DCAF17: variants seen among roughly 807,000 people sequenced by gnomAD.
DCAF17 encodes DDB1 and CUL4 associated factor 17, also known as DDB1- and CUL4-associated factor 17.
In DCAF17, 48 loss-of-function variants were observed where a neutral mutation model predicts 66.0. The observed-to-expected ratio is 0.73, with a 90% CI of 0.58 to 0.92. The LOEUF (loss-of-function observed/expected upper bound fraction) is 0.92. DCAF17 is among the 40% of genes least tolerant of loss of function. DCAF17 has a pLI of 0.00. For missense variants in DCAF17, 562 were observed against 622.8 expected, an observed-to-expected ratio of 0.90 and a Z score of 1.04; for synonymous variants, 206 against 214.6, an observed-to-expected ratio of 0.96 and a Z score of 0.35.
At chr2:171,457,908 G>T in intron 6 of DCAF17, 63 bp from the exon 7 acceptor site, 3 of 1,268,788 alleles carry the variant, frequency 2.4e-6, no homozygotes, top group South Asian at 2.4e-5. Flanking sequence ...AAACCACTGT[G>T]AACATTCAGA....
At chr2:171,472,977 G>A (rs923527751) in intron 9 of DCAF17, 16 of 230,882 alleles carry the variant, frequency 6.9e-5, no homozygotes, top group Non-Finnish European at 3.8e-5. Flanking sequence ...GTGTACACAT[G>A]TGATAACATA....
rs756931601 is a variant in DCAF17, at chr2:171,448,761, A to G, written c.402A>G (p.Ser134=). 1 of 1,613,436 alleles carries G rather than the reference A, an allele frequency of 6.2e-7. No homozygotes were observed. Among genetic ancestry groups the G allele is most frequent in the Non-Finnish European group, 8.5e-7 (1 of 1,179,620 alleles). Residue 134 remains serine (S), a synonymous_variant, in exon 4 of 14, where the codon TCA becomes TCG. Transcript: ENST00000375255. ...LTAHNWLLRI[S]ATTGKILEKI... ...CTCATAATTGGCTACTTCGTATATCAGCAACTACGGGAAAAATCCTTGAGA... is the reference window on the plus strand; with the variant it reads ...CTCATAATTGGCTACTTCGTATATCGGCAACTACGGGAAAAATCCTTGAGA...
intron 9 of DCAF17, among the ~76,000 whole-genome samples, chr2:171,469,993 TGTGGACATGTCA>T (rs1696149177): frequency 6.6e-6 from 1 of 152,120 alleles, no homozygotes; most frequent in Non-Finnish European, 1.5e-5. Context: ...TCTCATTTCA[TGTGGACATGTCA>T]GTGCAACACT....
Position 171,484,473 on chromosome 2 carries a change from C to A in DCAF17, c.*3359C>A, listed in dbSNP as rs1320037024. On this transcript the variant is annotated 3_prime_UTR_variant, in exon 14 of 14. Transcript: ENST00000375255. The stretch of plus-strand genomic sequence containing the variant: ...TCTACTTGTTTTATTATTTTCCTAT[C>A]CAGCGTACTTTTTGATGGATTTCAA... The A allele has an allele frequency of 2.3e-6, 1 of 442,512 alleles. No individual in the cohort carries two copies. Among genetic ancestry groups the A allele is most frequent in the South Asian group, 1.6e-5 (1 of 60,692 alleles). 27.4% of individuals were successfully genotyped at this position (442,512 alleles called of 1,614,324 possible). A position where few individuals can be genotyped will look rare whatever the true frequency, so the allele number is the denominator to read the frequency against.
At position 171,462,832 on chromosome 2, in the gene DCAF17, C is replaced by T. The variant is rs375679028; in HGVS notation, c.838+4355C>T. On this transcript the variant is annotated intron_variant, in intron 8 of 13. Coordinates refer to ENST00000375255, the MANE Select transcript of DCAF17 (RefSeq NM_025000.4). ...AGTGACATTAGTATTATTATATCAT[C>T]GTATACAAAAGATTGGAAACAATCT... Among the ~76,000 whole-genome samples, 36 of 152,180 alleles carry T rather than the reference C, an allele frequency of 2.4e-4. No homozygotes were observed. In the East Asian group the frequency reaches 3.5e-3, roughly 15 times the overall value.
At chr2:171,466,051 G>T (rs578139248) in intron 8 of DCAF17, among the ~76,000 whole-genome samples, 7 of 151,884 alleles carry the variant, frequency 4.6e-5, no homozygotes, top group Non-Finnish European at 7.4e-5. Context: ...TTTAGTAGAG[G>T]TGAGGTTTTG....
intron 6 of DCAF17, among the ~76,000 whole-genome samples, chr2:171,454,163 CTG>C (rs1180612560): frequency 2.6e-5 from 4 of 151,862 alleles, no homozygotes; most frequent in Non-Finnish European, 5.9e-5. Flanking sequence ...GAGTTAGACT[CTG>C]TCTCTAAAAA....
At chr2:171,470,644 C>T (rs1696192185) in intron 9 of DCAF17, among the ~76,000 whole-genome samples, 1 of 152,190 alleles carries the variant, frequency 6.6e-6, no homozygotes, top group African/African-American at 2.4e-5. Context: ...TTTGATTGGT[C>T]ACCTCCCAGT....
chr2:171,477,453 A>AT (rs11449615), intron 11 of DCAF17, among the ~76,000 whole-genome samples: 47,543 of 150,760 alleles, frequency 0.32, 7,710 homozygotes, highest in Admixed American at 0.37. Flanking sequence ...CTTTTAAATA[A>AT]TTTTTTTTTT....
At chr2:171,466,139 C>T (rs750279227) in intron 8 of DCAF17, among the ~76,000 whole-genome samples, 2 of 152,168 alleles carry the variant, frequency 1.3e-5, no homozygotes, top group Non-Finnish European at 2.9e-5. Flanking sequence ...GTTGGGATTA[C>T]AGGCGTGAGC....
chr2:171,440,794 T>G (rs994278382), intron 2 of DCAF17, among the ~76,000 whole-genome samples: 1 of 152,204 alleles, frequency 6.6e-6, no homozygotes, highest in Non-Finnish European at 1.5e-5. Context: ...AAAGCTGTAA[T>G]TGTCAGTATC....
chr2:171,474,519 T>G (rs1696406725), intron 10 of DCAF17: 2 of 164,762 alleles, frequency 1.2e-5, no homozygotes, highest in Admixed American at 1.2e-4. Flanking sequence ...CTTTAATTGT[T>G]GAATGTCCAT....
chr2:171,451,053 AAAAGTT>A (rs1694924380), intron 5 of DCAF17, among the ~76,000 whole-genome samples: 1 of 152,012 alleles, frequency 6.6e-6, no homozygotes, highest in South Asian at 2.1e-4. Context: ...AAAAAAAAAA[AAAAGTT>A]AAGTAGTTCC....
chr2:171,481,776 C>A lies in DCAF17; in HGVS notation c.*662C>A, dbSNP rs1211873630. The A allele has an allele frequency of 2.2e-6, 1 of 453,298 alleles. No homozygotes were observed. Among genetic ancestry groups the A allele is most frequent in the Admixed American group, 2.4e-5 (1 of 42,434 alleles). The allele number at this position is 453,298 out of a possible 1,614,324, so 28.1% of individuals were successfully genotyped here. ...TTGAATATTTGTGTTTCTATATAGGCTAATGTAAAAGATTCCAAGCAAACC... is the reference window on the plus strand; with the variant it reads ...TTGAATATTTGTGTTTCTATATAGGATAATGTAAAAGATTCCAAGCAAACC... On this transcript the variant is annotated 3_prime_UTR_variant, in exon 14 of 14. Transcript: ENST00000375255.
intron 2 of DCAF17, among the ~76,000 whole-genome samples, chr2:171,439,390 G>T (rs1373997922): frequency 6.6e-6 from 1 of 151,300 alleles, no homozygotes; most frequent in Admixed American, 6.6e-5. Context: ...GGAAGTTTCT[G>T]TTGACCTATC....
intron 8 of DCAF17, among the ~76,000 whole-genome samples, chr2:171,466,994 A>G (rs1377618191): frequency 6.6e-6 from 1 of 152,094 alleles, no homozygotes; most frequent in Admixed American, 6.5e-5. Context: ...ATTGCTTAAA[A>G]GACCTTTATA....
Position 171,473,935 on chromosome 2 carries a change from G to A in DCAF17, c.1051G>A (p.Ala351Thr), listed in dbSNP as rs760504028. ...ESDWIYFHPD[A>T]SGRIIHVGPN... ...TGACTGGATCTATTTCCATCCTGAT[G>A]CTTCTGGTAGAATAATACATGTTGG... The change falls in exon 10 of 14, where the codon GCT becomes ACT. Residue 351 changes from alanine to threonine, a missense_variant. This residue lies in a region of DCAF17 where 201 missense variants were observed against 231.1 expected (regional missense o/e 0.87). Coordinates refer to ENST00000375255, the MANE Select transcript of DCAF17 (RefSeq NM_025000.4). The A allele has an allele frequency of 6.2e-7, 1 of 1,613,732 alleles. No homozygotes were observed. Among genetic ancestry groups the A allele is most frequent in the Non-Finnish European group, 8.5e-7 (1 of 1,179,818 alleles).
chr2:171,443,519 C>T lies in DCAF17; in HGVS notation c.231-4C>T, dbSNP rs1402728262. The T allele has an allele frequency of 1.9e-6, 3 of 1,608,498 alleles. No individual in the cohort carries two copies. The highest frequency in any genetic ancestry group is 1.1e-5 in the South Asian group (1 of 90,800). On this transcript the variant is annotated splice_polypyrimidine_tract_variant and splice_region_variant and intron_variant, in intron 2 of 13. Coordinates refer to ENST00000375255, the MANE Select transcript of DCAF17 (RefSeq NM_025000.4). ...AATAATCATTTATTTTTCTTTTTTC[C>T]CAGTGTTGCATCTGAGCCAAGAAAA...
chr2:171,440,999 G>A (rs1694276709), intron 2 of DCAF17, among the ~76,000 whole-genome samples: 1 of 152,160 alleles, frequency 6.6e-6, no homozygotes, highest in South Asian at 2.1e-4. Context: ...TTTGAGATTT[G>A]TTCTAACCCC....
Sources: allele counts gnomAD v4.1 joint callset (sites outside exome capture counted in the v4.1 genomes callset), GRCh38; gene constraint gnomAD v4.1.1; regional missense constraint gnomAD v4.1.1; transcripts MANE v1.5; gene names NCBI Gene and HGNC (gene_info 2026-07-23, HGNC 2026-07-21).